The following UGGT2 variants were observed in gnomAD, a reference collection of about 807,000 sequenced individuals.
The protein encoded by UGGT2 is UDP-glucose glycoprotein glucosyltransferase 2.
A neutral mutation model predicts 192.1 loss-of-function variants in UGGT2; 180 were observed. That is an observed-to-expected ratio of 0.94 (90% CI 0.83 to 1.06). The LOEUF is 1.06. Among genes scored for constraint, UGGT2 ranks in the 50% least tolerant of loss-of-function variants. The pLI is 0.00. For synonymous variants in UGGT2, 580 were observed against 591.0 expected, an observed-to-expected ratio of 0.98 and a Z score of 0.27; for missense variants, 1,849 against 1,795.7, an observed-to-expected ratio of 1.03 and a Z score of -0.54.
intron 4 of UGGT2, among the ~76,000 whole-genome samples, chr13:96,014,923 G>C (rs1412130641): frequency 1.3e-5 from 2 of 151,982 alleles, no homozygotes; most frequent in Non-Finnish European, 1.5e-5. Flanking sequence ...TTTATATAAG[G>C]AATCTTAAAT....
At chr13:96,026,659 CTTTTTTTTT>C (rs71211702) in intron 2 of UGGT2, among the ~76,000 whole-genome samples, 36 of 101,546 alleles carry the variant, frequency 3.5e-4, no homozygotes, top group East Asian at 2.8e-3. Flanking sequence ...TTTCACTCTT[CTTTTTTTTT>C]TTTTTTTTTT....
chr13:95,996,774 C>A (rs1474224636), intron 6 of UGGT2, among the ~76,000 whole-genome samples: 7 of 152,090 alleles, frequency 4.6e-5, no homozygotes, highest in Admixed American at 6.6e-5. Flanking sequence ...GCAGGAGGTC[C>A]AAACCCTAAG....
rs372661498 is a variant in UGGT2 at position 95,948,027 on chromosome 13, C to A, written c.1510G>T (p.Asp504Tyr). ...GGAACTTCGTGAGAATAGAAAACAT[C>A]AGCAAGTTTTATAAAATCCAAGGTA... The part of the protein sequence containing the change: ...EYTLDFIKLA[D>Y]VFYSHEVPLR... The change falls in exon 14 of 39, where the codon GAT (aspartate) becomes TAT (tyrosine). Residue 504 changes from aspartate (D) to tyrosine (Y), a missense_variant. Transcript: ENST00000376747. 4 of 1,613,002 alleles carry A rather than the reference C, an allele frequency of 2.5e-6. No individual in the cohort carries two copies. The highest frequency in any genetic ancestry group is 2.7e-5 in the African/African-American group (2 of 74,844).
intron 38 of UGGT2, among the ~76,000 whole-genome samples, chr13:95,822,560 C>T (rs545236058): frequency 6.6e-6 from 1 of 152,020 alleles, no homozygotes; most frequent in South Asian, 2.1e-4. Context: ...ATTGCTCTGG[C>T]TAGGACTTCC....
Position 95,906,469 on chromosome 13 carries a change from G to T in UGGT2, c.2296-3409C>A, listed in dbSNP as rs1177531183. Among the ~76,000 whole-genome samples, 3 of 152,120 alleles carry T rather than the reference G, an allele frequency of 2.0e-5. No homozygotes were observed. In the East Asian group the frequency reaches 5.8e-4, roughly 29 times the overall value. On this transcript the variant is annotated intron_variant, in intron 20 of 38. Coordinates refer to ENST00000376747, the MANE Select transcript of UGGT2 (RefSeq NM_020121.4). ...ACTGAAAAAAATGAACAGTTTCTCA[G>T]AGAAACGTGGGACACCATTAAGCAT...
intron 35 of UGGT2, 134 bp from the exon 36 acceptor site, chr13:95,853,791 A>C: frequency 3.6e-6 from 2 of 555,638 alleles, no homozygotes; most frequent in Non-Finnish European, 5.9e-6. Flanking sequence ...ATCCTTTCAT[A>C]AATTTGCTCC....
intron 8 of UGGT2, among the ~76,000 whole-genome samples, chr13:95,987,046 C>A (rs538320646): frequency 1.8e-4 from 28 of 152,052 alleles, no homozygotes; most frequent in Non-Finnish European, 4.0e-4. Flanking sequence ...AAACTAAATT[C>A]TTTCATTACC....
At chr13:95,865,562 G>A (rs1394181884) in intron 30 of UGGT2, among the ~76,000 whole-genome samples, 2 of 152,188 alleles carry the variant, frequency 1.3e-5, no homozygotes, top group Admixed American at 1.3e-4. Flanking sequence ...TACTCAGGGG[G>A]CTGAGGCAGA....
chr13:95,827,606 T>C (rs1000850565), intron 38 of UGGT2, among the ~76,000 whole-genome samples: 2 of 152,150 alleles, frequency 1.3e-5, no homozygotes, highest in Non-Finnish European at 2.9e-5. Context: ...AACTGTGTTA[T>C]AGCAGCCCTA....
intron 25 of UGGT2, among the ~76,000 whole-genome samples, chr13:95,889,156 T>C (rs1429191741): frequency 6.8e-6 from 1 of 146,856 alleles, no homozygotes; most frequent in African/African-American, 2.5e-5. Context: ...TGACTCTTCA[T>C]AGGAATAGGG....
intron 20 of UGGT2, among the ~76,000 whole-genome samples, chr13:95,907,966 A>G (rs2048346545): frequency 6.6e-6 from 1 of 152,208 alleles, no homozygotes; most frequent in East Asian, 1.9e-4. Flanking sequence ...AAAGAAGGAT[A>G]TTCGAACCCA....
chr13:95,999,318 A>T lies in UGGT2; in HGVS notation c.661-11T>A. ...CCGTGAGCTTGGTTTCTGTTCAAAC[A>T]CATTTATTTTATAAAAAGCGAAAAG... is the stretch of plus-strand genomic sequence containing the variant. On this transcript the variant is annotated splice_polypyrimidine_tract_variant and intron_variant, in intron 5 of 38. Transcript: ENST00000376747. The T allele has an allele frequency of 2.5e-6, 4 of 1,611,926 alleles. No individual in the cohort carries two copies. Among genetic ancestry groups the T allele is most frequent in the Non-Finnish European group, 3.4e-6 (4 of 1,178,332 alleles).
rs2052534871 is a variant in UGGT2 at position 96,022,194 on chromosome 13, G to C, written c.485+846C>G. On this transcript the variant is annotated intron_variant, in intron 4 of 38. Transcript: ENST00000376747. Reference sequence around the variant, plus strand: ...TGAATACAATTGACTAGGTACCTGAGGAAAAAAATCTGGTTGGATTCTTAC... The same window carrying C: ...TGAATACAATTGACTAGGTACCTGACGAAAAAAATCTGGTTGGATTCTTAC... Among the ~76,000 whole-genome samples, 8 of 151,836 alleles carry C rather than the reference G, an allele frequency of 5.3e-5. No individual in the cohort carries two copies. The South Asian group carries it at 1.7e-3, about 32-fold the overall frequency.
At chr13:95,872,241 A>G (rs1016140626) in intron 29 of UGGT2, among the ~76,000 whole-genome samples, 5 of 152,374 alleles carry the variant, frequency 3.3e-5, no homozygotes, top group South Asian at 2.1e-4. Context: ...AGTAACAGCC[A>G]ATACTGAGTA....
At chr13:95,871,260 G>T (rs190466247) in intron 29 of UGGT2, among the ~76,000 whole-genome samples, 8 of 152,164 alleles carry the variant, frequency 5.3e-5, no homozygotes, top group African/African-American at 1.9e-4. Context: ...ACCAGACACC[G>T]AAGTGAGTAT....
At chr13:95,856,735 GAGAT>G (rs755365074) in intron 33 of UGGT2, 1 of 353,912 alleles carries the variant, frequency 2.8e-6, no homozygotes, top group South Asian at 2.3e-5. Flanking sequence ...TGGTTGGTCA[GAGAT>G]GTAAAGATGA....
intron 2 of UGGT2, among the ~76,000 whole-genome samples, chr13:96,028,176 A>C (rs1047831992): frequency 3.9e-5 from 6 of 152,166 alleles, no homozygotes; most frequent in Non-Finnish European, 1.5e-5. Context: ...TTTTATCTAG[A>C]TCTCTCACTC....
chr13:95,911,738 G>A (rs12875548), intron 20 of UGGT2, among the ~76,000 whole-genome samples: 4 of 152,040 alleles, frequency 2.6e-5, no homozygotes, highest in Non-Finnish European at 5.9e-5. Flanking sequence ...CAACTTATGA[G>A]GCCAATATCA....
intron 20 of UGGT2, 47 bp downstream of exon 20, chr13:95,925,633 A>C (rs773088186): frequency 5.7e-5 from 73 of 1,270,394 alleles, no homozygotes; most frequent in Non-Finnish European, 7.4e-5. Context: ...TGCTTTCCTT[A>C]AATTGAAATA....
Sources: gnomAD v4.1 joint callset for allele counts (sites outside exome capture counted in the v4.1 genomes callset) on GRCh38, gnomAD v4.1.1 for gene constraint, MANE v1.5 for transcripts, NCBI Gene and HGNC (gene_info 2026-07-23, HGNC 2026-07-21) for gene names.